Variants in CACNB2 observed in about 807,000 individuals in gnomAD.
CACNB2 encodes calcium voltage-gated channel auxiliary subunit beta 2.
CACNB2 carries 42 observed loss-of-function variants against 73.3 expected under a neutral mutation model. The observed-to-expected ratio is 0.57, with a 90% CI of 0.45 to 0.74. The LOEUF is 0.74. Ranked by LOEUF, CACNB2 falls within the 30% of genes least tolerant of loss-of-function variation. CACNB2 has a pLI of 0.00. For missense variants in CACNB2, 940 were observed against 853.0 expected, an observed-to-expected ratio of 1.10 and a Z score of -1.27; for synonymous variants, 348 against 310.3, an observed-to-expected ratio of 1.12 and a Z score of -1.28.
At chr10:18,166,831 A>T (rs1022003301) in intron 2 of CACNB2, among the ~76,000 whole-genome samples, 2 of 152,224 alleles carry the variant, frequency 1.3e-5, no homozygotes, top group Non-Finnish European at 2.9e-5. Flanking sequence ...CCAACATGGC[A>T]CATGTATACA....
At chr10:18,502,834 A>T (rs2050282320) in intron 5 of CACNB2, among the ~76,000 whole-genome samples, 1 of 151,906 alleles carries the variant, frequency 6.6e-6, no homozygotes, top group African/African-American at 2.4e-5. Context: ...GAGGGTGAGG[A>T]TCAGAAAAAC....
intron 5 of CACNB2, among the ~76,000 whole-genome samples, chr10:18,504,654 C>T (rs112777036): frequency 6.6e-6 from 1 of 151,494 alleles, no homozygotes; most frequent in East Asian, 1.9e-4. Flanking sequence ...TGTGTGTGTG[C>T]GTGTGTGTGA....
rs547114646 is a variant in CACNB2, at chr10:18,148,018, GT to G, written c.121-2858del. Among the ~76,000 whole-genome samples, 1,147 of 151,782 alleles carry G rather than the reference GT, an allele frequency of 7.6e-3. 11 individuals carry two copies. Among genetic ancestry groups the G allele is most frequent in the Non-Finnish European group, 0.014 (924 of 67,928 alleles). ...TTAGCTTTCCAAAGATGCTTTAAATGTTTTTTTGTTTTCTGATCCTGACTGT... is the reference window on the plus strand; with the variant it reads ...TTAGCTTTCCAAAGATGCTTTAAATGTTTTTTGTTTTCTGATCCTGACTGT... On this transcript the variant is annotated intron_variant, in intron 1 of 13. Transcript: ENST00000324631.
chr10:18,372,976 A>T (rs1219694526), intron 2 of CACNB2, among the ~76,000 whole-genome samples: 1 of 151,602 alleles, frequency 6.6e-6, no homozygotes, highest in Admixed American at 6.6e-5. Context: ...CACCCAGCTT[A>T]TTTTTTTTAT....
intron 2 of CACNB2, among the ~76,000 whole-genome samples, chr10:18,300,129 G>A (rs140034078): frequency 1.4e-3 from 211 of 151,832 alleles, no homozygotes; most frequent in Non-Finnish European, 2.2e-3. Flanking sequence ...TCAAGTGATT[G>A]TCCTGTCTCA....
At chr10:18,371,842 C>T (rs186902993) in intron 2 of CACNB2, among the ~76,000 whole-genome samples, 12,414 of 152,294 alleles carry the variant, frequency 0.082, 676 homozygotes, top group Non-Finnish European at 0.12. Context: ...GTTCCTATTT[C>T]TCCACATCCT....
chr10:18,474,662 G>A lies in CACNB2; in HGVS notation c.334-23693G>A, dbSNP rs193092982. Among the ~76,000 whole-genome samples the A allele has an allele frequency of 6.6e-5, 10 of 152,224 alleles. No individual in the cohort carries two copies. In the East Asian group the frequency reaches 1.7e-3, roughly 26 times the overall value. ...TGCCTTGAGAAAGATGCAACTCAAT[G>A]TTGGCTTCCTTAGCTCCGTGCCACT... On this transcript the variant is annotated intron_variant, in intron 3 of 13. Coordinates refer to ENST00000324631, the MANE Select transcript of CACNB2 (RefSeq NM_201596.3).
chr10:18,228,153 T>G (rs1189215209), intron 2 of CACNB2, among the ~76,000 whole-genome samples: 4 of 152,088 alleles, frequency 2.6e-5, no homozygotes, highest in Non-Finnish European at 5.9e-5. Context: ...CCGGACGCGG[T>G]GACTCACGCC....
chr10:18,509,376 T>C lies in CACNB2; in HGVS notation c.670+2829T>C, dbSNP rs116295661. On this transcript the variant is annotated intron_variant, in intron 6 of 13. Coordinates refer to ENST00000324631, the MANE Select transcript of CACNB2 (RefSeq NM_201596.3). ...TCAAGAACTTGGAAAATTTCCCACT[T>C]GACATCTGGGCATTGGTGTCATAGC... 8.7e-3 allele frequency among the ~76,000 whole-genome samples: 1,323 copies of C among 152,326 alleles called. 25 individuals are homozygous for C. Among genetic ancestry groups the C allele is most frequent in the African/African-American group, 0.03 (1,244 of 41,588 alleles).
At chr10:18,457,650 G>A (rs2047352634) in intron 3 of CACNB2, among the ~76,000 whole-genome samples, 1 of 152,132 alleles carries the variant, frequency 6.6e-6, no homozygotes, top group African/African-American at 2.4e-5. Flanking sequence ...AAGCACTTTG[G>A]GAGGCTGAGG....
intron 3 of CACNB2, among the ~76,000 whole-genome samples, chr10:18,470,890 A>C (rs1471330999): frequency 2.0e-5 from 3 of 152,154 alleles, no homozygotes; most frequent in Non-Finnish European, 4.4e-5. Flanking sequence ...ATGCAAGGGG[A>C]AAGGGTATGA....
intron 3 of CACNB2, among the ~76,000 whole-genome samples, chr10:18,496,185 C>CCAAAAA (rs2049801535): frequency 1.2e-5 from 1 of 84,100 alleles, no homozygotes; most frequent in African/African-American, 5.0e-5. Context: ...GACTCAGTCT[C>CCAAAAA]AAAAAAAAAA....
chr10:18,532,159 T>A (rs1165159227), intron 10 of CACNB2, among the ~76,000 whole-genome samples: 1 of 152,208 alleles, frequency 6.6e-6, no homozygotes, highest in African/African-American at 2.4e-5. Context: ...ATTCTTAAGG[T>A]TGTATCTACT....
intron 3 of CACNB2, among the ~76,000 whole-genome samples, chr10:18,420,654 AC>A (rs1261596444): frequency 4.6e-5 from 7 of 152,114 alleles, no homozygotes; most frequent in Admixed American, 3.3e-4. Context: ...TGCTAATTTC[AC>A]CCCAAACACC....
intron 2 of CACNB2, among the ~76,000 whole-genome samples, chr10:18,172,939 T>TTTTTTTTTTTTTTTTTTTTTTTTTA (rs1554765028): frequency 4.7e-5 from 7 of 150,282 alleles, no homozygotes; most frequent in African/African-American, 1.7e-4. Context: ...TTTTTTTTTT[T>TTTTTTTTTTTTTTTTTTTTTTTTTA]AAATGGAGTT....
chr10:18,244,904 G>A (rs918398839), intron 2 of CACNB2, among the ~76,000 whole-genome samples: 1 of 152,206 alleles, frequency 6.6e-6, no homozygotes, highest in African/African-American at 2.4e-5. Context: ...GAGACAGATA[G>A]GAAAGTTGGA....
rs566770491 is a variant in CACNB2 at position 18,540,537 on chromosome 10, C to T, written c.*813C>T. 6.6e-6 allele frequency: 1 copy of T among 152,494 alleles called. No individual in the cohort carries two copies. The highest frequency in any genetic ancestry group is 1.5e-5 in the Non-Finnish European group (1 of 68,022). The allele number at this position is 152,494 out of a possible 1,614,324, so 9.4% of individuals were successfully genotyped here. On this transcript the variant is annotated 3_prime_UTR_variant, in exon 14 of 14. Coordinates refer to ENST00000324631, the MANE Select transcript of CACNB2 (RefSeq NM_201596.3). ...TGCTTGACTTGAAAAGGTTTGAATT[C>T]TGAATGTTATACCATCCTTGTAAGT... is the stretch of plus-strand genomic sequence containing the variant.
rs2045716005 is a variant in CACNB2, at chr10:18,428,433, T to A, written c.333+26390T>A. On this transcript the variant is annotated intron_variant, in intron 3 of 13. Coordinates refer to ENST00000324631, the MANE Select transcript of CACNB2 (RefSeq NM_201596.3). ...CAGGCATGGTGGCTCACGCCTGTAA[T>A]CCCAGCACTTTGGGAGGCCAAGGCG... Among the ~76,000 whole-genome samples the A allele has an allele frequency of 1.3e-5, 2 of 152,178 alleles. 1 individual carries two copies. The highest frequency in any genetic ancestry group is 4.8e-5 in the African/African-American group (2 of 41,454).
chr10:18,377,833 A>C (rs544399873), intron 2 of CACNB2, among the ~76,000 whole-genome samples: 54 of 152,202 alleles, frequency 3.5e-4, no homozygotes, highest in Non-Finnish European at 8.8e-5. Flanking sequence ...TGTTTTATTA[A>C]GGTTTCTGAA....
Sources: allele counts gnomAD v4.1 joint callset (sites outside exome capture counted in the v4.1 genomes callset), GRCh38; gene constraint gnomAD v4.1.1; transcripts MANE v1.5; gene names NCBI Gene and HGNC (gene_info 2026-07-23, HGNC 2026-07-21).